TENM3: variants seen among roughly 807,000 people sequenced by gnomAD.
TENM3 encodes the protein teneurin transmembrane protein 3.
In TENM3, 63 loss-of-function variants were observed where a neutral mutation model predicts 255.1. The ratio of observed to expected loss-of-function variants is 0.25; its 90% CI spans 0.20 to 0.30. The LOEUF (loss-of-function observed/expected upper bound fraction) is 0.30. Among genes scored for constraint, TENM3 ranks in the 10% least tolerant of loss-of-function variants. TENM3 has a pLI of 1.00. For missense variants in TENM3, 2,929 were observed against 3,461.1 expected (o/e 0.85, Z 3.86); for synonymous variants, 1,306 against 1,322.3 (o/e 0.99, Z 0.27).
At chr4:182,766,040 CCTA>C (rs1763689376) in intron 22 of TENM3, among the ~76,000 whole-genome samples, 1 of 152,112 alleles carries the variant, frequency 6.6e-6, no homozygotes, top group African/African-American at 2.4e-5. Flanking sequence ...AAATGTGCCA[CCTA>C]CTTTTTAAAA....
the TENM3 span, among the ~76,000 whole-genome samples, chr4:181,447,855 C>T: frequency 1.3e-5 from 2 of 152,146 alleles, no homozygotes; most frequent in Non-Finnish European, 2.9e-5. Context: ...CCATTCCTGT[C>T]ATTCTTTCAG....
At chr4:182,670,888 A>G (rs567501028) in intron 6 of TENM3, among the ~76,000 whole-genome samples, 2 of 152,340 alleles carry the variant, frequency 1.3e-5, no homozygotes, top group South Asian at 4.1e-4. Context: ...TCAGTCTTCA[A>G]GTATCTGTTT....
chr4:181,965,599 A>T, the TENM3 span, among the ~76,000 whole-genome samples: 1 of 152,186 alleles, frequency 6.6e-6, no homozygotes, highest in Admixed American at 6.5e-5. Context: ...CCCAATAAGT[A>T]CTTAATGGCA....
chr4:182,136,378 G>A, the TENM3 span, among the ~76,000 whole-genome samples: 1 of 152,054 alleles, frequency 6.6e-6, no homozygotes, highest in Non-Finnish European at 1.5e-5. Flanking sequence ...TTTTCAAGCA[G>A]TTCTGATTCT....
At chr4:182,000,597 A>T in the TENM3 span, among the ~76,000 whole-genome samples, 1 of 152,180 alleles carries the variant, frequency 6.6e-6, no homozygotes, top group Admixed American at 6.5e-5. Flanking sequence ...AACCCACAAT[A>T]TCCAGGTACC....
At chr4:181,948,214 G>A in the TENM3 span, among the ~76,000 whole-genome samples, 4 of 151,964 alleles carry the variant, frequency 2.6e-5, no homozygotes, top group African/African-American at 9.7e-5. Flanking sequence ...GAGAATATGA[G>A]GTTCTTCATT....
the TENM3 span, among the ~76,000 whole-genome samples, chr4:182,019,359 T>G: frequency 6.6e-6 from 1 of 152,162 alleles, no homozygotes; most frequent in Non-Finnish European, 1.5e-5. Context: ...AGCTCCCTCT[T>G]GTCCTCTGCT....
chr4:181,914,198 C>T, the TENM3 span, among the ~76,000 whole-genome samples: 3 of 152,216 alleles, frequency 2.0e-5, no homozygotes, highest in African/African-American at 7.2e-5. Flanking sequence ...TGACGCTCAA[C>T]TGACACCTTT....
the TENM3 span, among the ~76,000 whole-genome samples, chr4:182,022,943 G>A: frequency 7.2e-5 from 11 of 152,246 alleles, no homozygotes; most frequent in South Asian, 2.1e-4. Flanking sequence ...GAGAAAAAAC[G>A]CCTTCCAGCT....
At chr4:181,468,132 C>CCAAAAAAAAAAAAA in the TENM3 span, among the ~76,000 whole-genome samples, 1 of 130,740 alleles carries the variant, frequency 7.6e-6, no homozygotes. Flanking sequence ...CCCATCTGTA[C>CCAAAAAAAAAAAAA]AAAAAAAAAA....
the TENM3 span, among the ~76,000 whole-genome samples, chr4:181,856,320 G>A: frequency 6.6e-6 from 1 of 152,164 alleles, no homozygotes; most frequent in African/African-American, 2.4e-5. Flanking sequence ...AACATGCCAA[G>A]ACCTATAAAT....
the TENM3 span, among the ~76,000 whole-genome samples, chr4:181,799,335 C>T: frequency 6.6e-6 from 1 of 152,180 alleles, no homozygotes; most frequent in Non-Finnish European, 1.5e-5. Context: ...TGGCATAAAA[C>T]AATGTAGAAT....
intron 4 of TENM3, among the ~76,000 whole-genome samples, chr4:182,606,007 A>C (rs948580506): frequency 2.0e-5 from 3 of 152,192 alleles, no homozygotes; most frequent in African/African-American, 7.2e-5. Context: ...TAAGAAATCA[A>C]ACGAGAAAGG....
At chr4:182,690,220 T>G (rs1756910373) in intron 12 of TENM3, among the ~76,000 whole-genome samples, 1 of 152,184 alleles carries the variant, frequency 6.6e-6, no homozygotes, top group Non-Finnish European at 1.5e-5. Flanking sequence ...CCGCCTGAAA[T>G]CAACAACAGG....
At chr4:181,808,275 A>G in the TENM3 span, among the ~76,000 whole-genome samples, 2 of 152,176 alleles carry the variant, frequency 1.3e-5, no homozygotes, top group Non-Finnish European at 2.9e-5. Flanking sequence ...ATGTTCATGG[A>G]TTGGAGCATA....
chr4:182,021,261 G>A, the TENM3 span, among the ~76,000 whole-genome samples: 53,857 of 151,966 alleles, frequency 0.35, 9,896 homozygotes, highest in Middle Eastern at 0.41. Flanking sequence ...TCATGGCTGT[G>A]TAGTATCCCA....
the TENM3 span, among the ~76,000 whole-genome samples, chr4:181,958,395 G>C: frequency 1.3e-5 from 2 of 152,308 alleles, no homozygotes; most frequent in Admixed American, 1.3e-4. Flanking sequence ...CTAGTTGCCT[G>C]ATAGTTTGTA....
chr4:182,335,494 C>CTAAA (rs1764069396), intron 2 of TENM3, among the ~76,000 whole-genome samples: 1 of 52,400 alleles, frequency 1.9e-5, no homozygotes, highest in Non-Finnish European at 3.4e-5. Context: ...GACTCCGCCT[C>CTAAA]AAAAAAAAAA....
Position 182,621,714 on chromosome 4 carries a change from T to A in TENM3, c.750-6937T>A, listed in dbSNP as rs1750225213. Among the ~76,000 whole-genome samples, 5 of 72,476 alleles carry A rather than the reference T, an allele frequency of 6.9e-5. 1 individual carries two copies. Among genetic ancestry groups the A allele is most frequent in the African/African-American group, 2.4e-4 (5 of 21,046 alleles). 47.5% of individuals were successfully genotyped at this position (72,476 alleles called of 152,430 possible). Reference sequence around the variant, plus strand: ...TATATATTATATATAAAATATATAATATATATTATATATAAAATATATAAT... The same window carrying A: ...TATATATTATATATAAAATATATAAAATATATTATATATAAAATATATAAT... On this transcript the variant is annotated intron_variant, in intron 4 of 27. Coordinates refer to ENST00000511685, the MANE Select transcript of TENM3 (RefSeq NM_001080477.4).
Sources: gnomAD v4.1 joint callset for allele counts (sites outside exome capture counted in the v4.1 genomes callset) on GRCh38, gnomAD v4.1.1 for gene constraint, MANE v1.5 for transcripts, NCBI Gene and HGNC (gene_info 2026-07-23, HGNC 2026-07-21) for gene names.